The following CCSER1 variants were observed in gnomAD, a reference collection of about 807,000 sequenced individuals.
The protein encoded by CCSER1 is coiled-coil serine rich protein 1, also known as serine-rich coiled-coil domain-containing protein 1.
Under a neutral mutation model 82.0 loss-of-function variants are expected in CCSER1, and 41 were observed. The ratio of observed to expected loss-of-function variants is 0.50; its 90% CI spans 0.39 to 0.65. The LOEUF is 0.65. Among genes scored for constraint, CCSER1 ranks in the 30% least tolerant of loss-of-function variants. The pLI is 0.00. For missense variants in CCSER1, 1,119 were observed against 1,064.2 expected, an observed-to-expected ratio of 1.05 and a Z score of -0.72; for synonymous variants, 414 against 383.9, an observed-to-expected ratio of 1.08 and a Z score of -0.92.
At chr4:91,259,778 T>A (rs1740970412) in intron 10 of CCSER1, among the ~76,000 whole-genome samples, 1 of 152,210 alleles carries the variant, frequency 6.6e-6, no homozygotes, top group Non-Finnish European at 1.5e-5. Context: ...AACTCATCTT[T>A]TTTATGGCCG....
rs560120206 is a variant in CCSER1 at position 90,717,204 on chromosome 4, T to C, written c.1933-6710T>C. ...GGCCTTGATTATATGCTCACATCTA[T>C]TTTAAGGGTTTTGGACCAGCAGTAT... On this transcript the variant is annotated intron_variant, in intron 6 of 10. Coordinates refer to ENST00000509176, the MANE Select transcript of CCSER1 (RefSeq NM_001145065.2). Among the ~76,000 whole-genome samples, 15 of 152,264 alleles carry C rather than the reference T, an allele frequency of 9.9e-5. No homozygotes were observed. In the South Asian group the frequency reaches 2.7e-3, roughly 27 times the overall value.
At chr4:90,652,923 G>A (rs1333769375) in intron 6 of CCSER1, among the ~76,000 whole-genome samples, 1 of 152,112 alleles carries the variant, frequency 6.6e-6, no homozygotes. Flanking sequence ...TCATTCTGAA[G>A]GCTTCCGTGT....
At chr4:91,225,304 A>T (rs368993358) in intron 10 of CCSER1, among the ~76,000 whole-genome samples, 2 of 31,238 alleles carry the variant, frequency 6.4e-5, no homozygotes, top group Non-Finnish European at 1.0e-4. Flanking sequence ...ATGTATATAT[A>T]TTATATATGT....
intron 9 of CCSER1, among the ~76,000 whole-genome samples, chr4:90,955,243 T>C (rs1733318856): frequency 1.3e-5 from 2 of 152,158 alleles, no homozygotes; most frequent in Admixed American, 6.6e-5. Context: ...ACCCTATGAA[T>C]GAAGGATATC....
intron 1 of CCSER1, among the ~76,000 whole-genome samples, chr4:90,232,568 G>A (rs1744823723): frequency 6.8e-6 from 1 of 147,554 alleles, no homozygotes. Flanking sequence ...CATGGGCAAG[G>A]ACTTCATGTC....
intron 1 of CCSER1, among the ~76,000 whole-genome samples, chr4:90,280,575 G>C (rs1267002267): frequency 1.3e-5 from 2 of 151,924 alleles, no homozygotes; most frequent in Admixed American, 6.6e-5. Flanking sequence ...ATTGTATGGT[G>C]TTTGATTGAT....
chr4:90,718,559 A>G (rs1306268528), intron 6 of CCSER1, among the ~76,000 whole-genome samples: 1 of 152,130 alleles, frequency 6.6e-6, no homozygotes, highest in African/African-American at 2.4e-5. Flanking sequence ...ATGGAACATG[A>G]AAGTATGCAA....
chr4:90,203,259 A>T (rs977364410), intron 1 of CCSER1, among the ~76,000 whole-genome samples: 3 of 152,230 alleles, frequency 2.0e-5, no homozygotes, highest in Middle Eastern at 3.2e-3. Context: ...CAGGTTTGTT[A>T]CATAAGTATA....
chr4:91,216,609 T>C (rs1351320896), intron 10 of CCSER1, among the ~76,000 whole-genome samples: 24 of 152,198 alleles, frequency 1.6e-4, no homozygotes, highest in Admixed American at 1.6e-3. Flanking sequence ...CGTGAGCCAC[T>C]GCGCCAGGCC....
chr4:90,642,994 A>T (rs1182427793), intron 6 of CCSER1, among the ~76,000 whole-genome samples: 1 of 152,166 alleles, frequency 6.6e-6, no homozygotes, highest in Non-Finnish European at 1.5e-5. Context: ...ATACGTGTGA[A>T]CATAAGTAGA....
At chr4:90,385,881 A>G (rs1349611591) in intron 3 of CCSER1, among the ~76,000 whole-genome samples, 4 of 151,758 alleles carry the variant, frequency 2.6e-5, no homozygotes, top group Admixed American at 1.3e-4. Flanking sequence ...TAGATTCTCT[A>G]TATTAGTCCT....
In CCSER1 at chr4:91,323,662, A is replaced by G. The variant is rs142242993; in HGVS notation, c.2217+237668A>G. Among the ~76,000 whole-genome samples the G allele has an allele frequency of 4.2e-3, 634 of 152,292 alleles. 2 individuals are homozygous for G. Among genetic ancestry groups the G allele is most frequent in the Middle Eastern group, 0.014 (4 of 294 alleles). On this transcript the variant is annotated intron_variant, in intron 10 of 10. Coordinates refer to ENST00000509176, the MANE Select transcript of CCSER1 (RefSeq NM_001145065.2). ...CAAACAAAAAAGCAGTTTATCCCTC[A>G]TTTAAACTTTGAACAATCTAAGAAG...
intron 10 of CCSER1, among the ~76,000 whole-genome samples, chr4:91,277,162 T>C (rs1165363448): frequency 6.6e-6 from 1 of 152,126 alleles, no homozygotes; most frequent in Non-Finnish European, 1.5e-5. Flanking sequence ...ACTGCCCTCA[T>C]AGAATGAGTT....
chr4:90,437,120 C>T (rs536837575), intron 4 of CCSER1, among the ~76,000 whole-genome samples: 2 of 151,978 alleles, frequency 1.3e-5, no homozygotes, highest in African/African-American at 2.4e-5. Flanking sequence ...CGCCCCCGGA[C>T]GAGAATATTA....
At chr4:90,182,533 G>T (rs1270533544) in intron 1 of CCSER1, among the ~76,000 whole-genome samples, 1 of 152,150 alleles carries the variant, frequency 6.6e-6, no homozygotes, top group African/African-American at 2.4e-5. Context: ...TTATCAGAGA[G>T]TTACATGTGG....
intron 8 of CCSER1, among the ~76,000 whole-genome samples, chr4:90,888,639 G>GAAAT (rs1360177966): frequency 1.3e-5 from 2 of 152,068 alleles, no homozygotes; most frequent in African/African-American, 4.8e-5. Flanking sequence ...TAACTTTGAG[G>GAAAT]AAATGCGTTA....
chr4:91,306,059 T>TTGTGTGTG (rs70965483), intron 10 of CCSER1, among the ~76,000 whole-genome samples: 2,114 of 139,604 alleles, frequency 0.015, 49 homozygotes, highest in Admixed American at 0.061. Context: ...ATCAGTGTGT[T>TTGTGTGTG]TGTGTGTGTG....
chr4:91,105,420 A>AC lies in CCSER1; in HGVS notation c.2217+19426_2217+19427insC, dbSNP rs1342637762. Among the ~76,000 whole-genome samples, 16 of 152,166 alleles carry AC rather than the reference A, an allele frequency of 1.1e-4. 1 individual carries two copies. The South Asian group carries it at 3.3e-3, about 32-fold the overall frequency. ...CTAACAGTAAACAAAAAAAAAAAAAAATAGGCCAGGCACAGTGGCTCATGC... is the reference window on the plus strand; with the variant it reads ...CTAACAGTAAACAAAAAAAAAAAAAACATAGGCCAGGCACAGTGGCTCATGC... On this transcript the variant is annotated intron_variant, in intron 10 of 10. Coordinates refer to ENST00000509176, the MANE Select transcript of CCSER1 (RefSeq NM_001145065.2).
chr4:91,139,125 CAT>C (rs1201700333), intron 10 of CCSER1, among the ~76,000 whole-genome samples: 6 of 152,158 alleles, frequency 3.9e-5, no homozygotes, highest in South Asian at 2.1e-4. Context: ...CAAGTAAAAA[CAT>C]GTGGTATTTG....
Sources: gnomAD v4.1 joint callset for allele counts (sites outside exome capture counted in the v4.1 genomes callset) on GRCh38, gnomAD v4.1.1 for gene constraint, MANE v1.5 for transcripts, NCBI Gene and HGNC (gene_info 2026-07-23, HGNC 2026-07-21) for gene names.